The following NYAP2 variants were observed in gnomAD, a reference collection of about 807,000 sequenced individuals.
The protein encoded by NYAP2 is neuronal tyrosine-phosphorylated phosphoinositide-3-kinase adapter 2.
A neutral mutation model predicts 50.4 loss-of-function variants in NYAP2; 23 were observed. That is an observed-to-expected ratio of 0.46 (90% CI 0.33 to 0.65). NYAP2 has a LOEUF of 0.65. Ranked by LOEUF, NYAP2 falls within the 30% of genes least tolerant of loss-of-function variation. The pLI is 0.02. For synonymous variants in NYAP2, 394 were observed against 365.2 expected (o/e 1.08, Z -0.90); for missense variants, 885 against 861.0 (o/e 1.03, Z -0.35).
intron 3 of NYAP2, among the ~76,000 whole-genome samples, chr2:225,426,961 T>A (rs866363462): frequency 4.4e-4 from 67 of 152,230 alleles, no homozygotes; most frequent in African/African-American, 1.6e-3. Flanking sequence ...CCTGTGGTCA[T>A]ATAGCAAGTC....
chr2:225,568,511 C>A (rs571615365), intron 4 of NYAP2, among the ~76,000 whole-genome samples: 1 of 152,090 alleles, frequency 6.6e-6, no homozygotes, highest in Non-Finnish European at 1.5e-5. Context: ...TTACAAAATA[C>A]CCCAAATTCT....
intron 3 of NYAP2, among the ~76,000 whole-genome samples, chr2:225,475,279 C>T (rs1690084045): frequency 1.3e-5 from 2 of 151,958 alleles, no homozygotes; most frequent in Non-Finnish European, 2.9e-5. Flanking sequence ...TTTGCTAAAC[C>T]ATACCAAACC....
chr2:225,607,804 G>A (rs1039480879), intron 5 of NYAP2, among the ~76,000 whole-genome samples: 4 of 152,112 alleles, frequency 2.6e-5, no homozygotes, highest in African/African-American at 9.7e-5. Flanking sequence ...TGCCATTACA[G>A]GGGCCTTAGA....
At chr2:225,584,201 T>C (rs1228983784) in intron 5 of NYAP2, among the ~76,000 whole-genome samples, 2 of 152,214 alleles carry the variant, frequency 1.3e-5, no homozygotes, top group Non-Finnish European at 2.9e-5. Flanking sequence ...ACCATTACTA[T>C]AAATGAACAT....
At chr2:225,412,467 C>A (rs1349609819) in intron 3 of NYAP2, among the ~76,000 whole-genome samples, 1 of 151,420 alleles carries the variant, frequency 6.6e-6, no homozygotes, top group Middle Eastern at 3.2e-3. Flanking sequence ...ACTGCTCAGC[C>A]CTGCTAAGAG....
At chr2:225,634,545 T>C (rs1693378636) in intron 6 of NYAP2, among the ~76,000 whole-genome samples, 1 of 152,134 alleles carries the variant, frequency 6.6e-6, no homozygotes, top group Non-Finnish European at 1.5e-5. Context: ...TGGATTTAAT[T>C]TCATTTAAAG....
rs534516987 is a variant in NYAP2, at chr2:225,621,103, A to C, written c.1619-5814A>C. On this transcript the variant is annotated intron_variant, in intron 5 of 6. Transcript: ENST00000636099. ...CACTCCAGCCTGGGCGACCAGCGAG[A>C]CTCCGTCTCAAAAAAAAAAAAAAAA... is the stretch of plus-strand genomic sequence containing the variant. Among the ~76,000 whole-genome samples the C allele has an allele frequency of 1.5e-3, 203 of 131,676 alleles. 1 individual carries two copies. Among genetic ancestry groups the C allele is most frequent in the African/African-American group, 5.9e-3 (192 of 32,274 alleles). The allele number at this position is 131,676 out of a possible 152,430, so 86.4% of individuals were successfully genotyped here. A position where few individuals can be genotyped will look rare whatever the true frequency, so the allele number is the denominator to read the frequency against.
the NYAP2 span, chr2:225,700,627 T>C: frequency 3.3e-5 from 5 of 151,856 alleles, 1 homozygote; most frequent in Admixed American, 3.3e-4. Context: ...TAAGTTATTA[T>C]GACCACATAT....
chr2:225,650,910 A>G (rs1360643834), intron 6 of NYAP2, among the ~76,000 whole-genome samples: 1 of 152,236 alleles, frequency 6.6e-6, no homozygotes, highest in Non-Finnish European at 1.5e-5. Flanking sequence ...AAATAATATT[A>G]TGAAAGATAG....
intron 5 of NYAP2, among the ~76,000 whole-genome samples, chr2:225,622,611 G>A (rs577286110): frequency 7.0e-5 from 9 of 129,274 alleles, no homozygotes; most frequent in South Asian, 2.4e-4. Flanking sequence ...ACAAAGTCTC[G>A]CCCTGTTGCC....
intron 3 of NYAP2, among the ~76,000 whole-genome samples, chr2:225,453,645 TTTTG>T (rs147387080): frequency 4.6e-5 from 7 of 152,014 alleles, no homozygotes; most frequent in Admixed American, 6.6e-5. Context: ...TATCAAGTTT[TTTTG>T]TTTGTTTGTT....
intron 3 of NYAP2, among the ~76,000 whole-genome samples, chr2:225,491,665 G>A (rs1005587743): frequency 8.5e-5 from 13 of 152,160 alleles, no homozygotes; most frequent in Non-Finnish European, 4.4e-5. Flanking sequence ...TCTCTAGTGG[G>A]CTGGACTGGG....
rs1354447024 is a variant in NYAP2, at chr2:225,518,576, G to C, written c.523+4904G>C. On this transcript the variant is annotated intron_variant, in intron 4 of 6. Coordinates refer to ENST00000636099, the Ensembl canonical transcript of NYAP2. ...TATATATATATATATATATTAGCGT[G>C]TGCGCTTATATATATATATATATAT... Among the ~76,000 whole-genome samples the C allele has an allele frequency of 9.0e-4, 28 of 31,084 alleles. 2 individuals are homozygous for C. Among genetic ancestry groups the C allele is most frequent in the African/African-American group, 3.6e-3 (28 of 7,746 alleles). The allele number at this position is 31,084 out of a possible 152,430, so 20.4% of individuals were successfully genotyped here. A position where few individuals can be genotyped will look rare whatever the true frequency, so the allele number is the denominator to read the frequency against.
intron 3 of NYAP2, among the ~76,000 whole-genome samples, chr2:225,496,419 T>A (rs372471523): frequency 1.6e-4 from 25 of 152,198 alleles, no homozygotes; most frequent in East Asian, 1.2e-3. Context: ...ACAACTTACA[T>A]TTTTTATCCT....
chr2:225,640,220 G>A (rs937665481), intron 6 of NYAP2, among the ~76,000 whole-genome samples: 3 of 152,092 alleles, frequency 2.0e-5, no homozygotes, highest in African/African-American at 7.2e-5. Flanking sequence ...TGTTATCTTC[G>A]CTCTCTAACC....
chr2:225,612,742 C>T (rs1692913951), intron 5 of NYAP2, among the ~76,000 whole-genome samples: 1 of 20,536 alleles, frequency 4.9e-5, no homozygotes, highest in African/African-American at 9.5e-5. Context: ...GTCATGGAGG[C>T]CCCCCCCTTA....
intron 5 of NYAP2, 98 bp from the exon 6 acceptor site, chr2:225,626,819 T>A (rs913404970): frequency 1.1e-6 from 1 of 911,134 alleles, no homozygotes; most frequent in East Asian, 2.6e-5. Context: ...TCCAACAACA[T>A]ATTGAGACAA....
intron 3 of NYAP2, among the ~76,000 whole-genome samples, chr2:225,467,666 C>T (rs1398994361): frequency 4.6e-5 from 7 of 152,164 alleles, no homozygotes; most frequent in Non-Finnish European, 8.8e-5. Flanking sequence ...GATCAGATTA[C>T]TATCCAAGTG....
In NYAP2 at chr2:225,457,337, G is replaced by A. The variant is rs576033976; in HGVS notation, c.221+48236G>A. On this transcript the variant is annotated intron_variant, in intron 3 of 6. Coordinates refer to ENST00000636099, the Ensembl canonical transcript of NYAP2. The stretch of plus-strand genomic sequence containing the variant: ...TTCTAGAAGGTATGCTAATATTTAT[G>A]AGTAAATTTCACCTTCATTGAAGGG... Among the ~76,000 whole-genome samples, 3 of 152,198 alleles carry A rather than the reference G, an allele frequency of 2.0e-5. No homozygotes were observed. The South Asian group carries it at 6.2e-4, about 32-fold the overall frequency.
Sources: gnomAD v4.1 joint callset for allele counts (sites outside exome capture counted in the v4.1 genomes callset) on GRCh38, gnomAD v4.1.1 for gene constraint, MANE v1.5 for transcripts, NCBI Gene and HGNC (gene_info 2026-07-23, HGNC 2026-07-21) for gene names.